The following ELP2 variants were observed in gnomAD, a reference collection of about 807,000 sequenced individuals.
ELP2 encodes the protein elongator acetyltransferase complex subunit 2.
ELP2 carries 90 observed loss-of-function variants against 119.2 expected under a neutral mutation model. The observed-to-expected ratio is 0.75, with a 90% confidence interval of 0.64 to 0.90. The LOEUF (loss-of-function observed/expected upper bound fraction) is 0.90, where lower values mean the gene tolerates loss of function less well. Ranked by LOEUF, ELP2 falls within the 40% of genes least tolerant of loss-of-function variation. ELP2 has a pLI of 0.00. For missense variants in ELP2, 921 were observed against 967.8 expected (o/e 0.95, Z 0.64); for synonymous variants, 339 against 331.0 (o/e 1.02, Z -0.26).
chr18:36,154,734 C>G, intron 11 of ELP2, 116 bp from the exon 12 acceptor site: 1 of 1,109,680 alleles, frequency 9.0e-7, no homozygotes, highest in Non-Finnish European at 1.4e-6. Flanking sequence ...ATCTTGTATA[C>G]TTAGCTTTTC....
At chr18:36,140,658 AT>A (rs2089988926) in intron 5 of ELP2, among the ~76,000 whole-genome samples, 1 of 152,188 alleles carries the variant, frequency 6.6e-6, no homozygotes, top group Non-Finnish European at 1.5e-5. Flanking sequence ...CCAGCCTTTT[AT>A]TTTGTTTTAA....
At position 36,159,993 on chromosome 18, in the gene ELP2, T is replaced by C; in HGVS notation, c.1666T>C (p.Leu556=). ...PTEDHLLQNT[L]WPEVQKLYGH... ...TGAGGATCATCTTCTGCAGAATACT[T>C]TGTGGCCTGAAGTTCAAAAACTGTA... The change falls in exon 16 of 22, where the codon TTG becomes CTG. Residue 556 remains leucine (L), a synonymous_variant. Coordinates refer to ENST00000358232, the MANE Select transcript of ELP2 (RefSeq NM_018255.4). 1 of 1,614,090 alleles carries C rather than the reference T, an allele frequency of 6.2e-7. No homozygotes were observed.
chr18:36,169,428 TCAGG>T (rs2091010460), intron 19 of ELP2, among the ~76,000 whole-genome samples: 1 of 146,674 alleles, frequency 6.8e-6, no homozygotes, highest in Non-Finnish European at 1.5e-5. Context: ...CTCTTGTTGC[TCAGG>T]CTGGAGTGCA....
In ELP2 at chr18:36,144,927, C is replaced by A; in HGVS notation, c.797-12C>A. The A allele has an allele frequency of 1.2e-6, 2 of 1,601,276 alleles. No homozygotes were observed. The highest frequency in any genetic ancestry group is 1.1e-5 in the South Asian group (1 of 90,850). ...CTTTGAGGAAATAATACCTTCATTG[C>A]TTTTGTTATAGGTGTTAAAATAGCA... On this transcript the variant is annotated splice_polypyrimidine_tract_variant and intron_variant, in intron 8 of 21. Transcript: ENST00000358232.
Position 36,148,698 on chromosome 18 carries a change from A to G in ELP2, c.1125+2317A>G, listed in dbSNP as rs150212513. On this transcript the variant is annotated intron_variant, in intron 11 of 21. Transcript: ENST00000358232. ...ACATAGGGAGACCCTGTCTGTACCA[A>G]TAATTTTAAAAATTAGCCATGGGCT... Among the ~76,000 whole-genome samples, 919 of 152,254 alleles carry G rather than the reference A, an allele frequency of 6.0e-3. 10 individuals are homozygous for G. The highest frequency in any genetic ancestry group is 0.02 in the African/African-American group (848 of 41,554).
At chr18:36,163,718 C>T (rs1348772187) in intron 17 of ELP2, among the ~76,000 whole-genome samples, 1 of 152,116 alleles carries the variant, frequency 6.6e-6, no homozygotes, top group East Asian at 1.9e-4. Flanking sequence ...TCCCCTTCAT[C>T]ACTGTGCTTT....
intron 17 of ELP2, among the ~76,000 whole-genome samples, chr18:36,162,008 A>G (rs1348661159): frequency 1.3e-5 from 2 of 152,250 alleles, no homozygotes; most frequent in East Asian, 3.9e-4. Flanking sequence ...AAGTTGATTC[A>G]CAACAATATG....
intron 14 of ELP2, 28 bp from the exon 15 acceptor site, chr18:36,159,707 A>G (rs749128048): frequency 1.3e-6 from 2 of 1,513,766 alleles, no homozygotes; most frequent in African/African-American, 1.4e-5. Context: ...AATAGTGACT[A>G]TATTCTTGAT....
At chr18:36,149,290 A>G (rs1363945091) in intron 11 of ELP2, among the ~76,000 whole-genome samples, 1 of 152,202 alleles carries the variant, frequency 6.6e-6, no homozygotes, top group East Asian at 1.9e-4. Flanking sequence ...TCAGTCTACT[A>G]CGTTCAGACA....
chr18:36,156,645 GCT>G lies in ELP2; in HGVS notation c.1458_1459del (p.Cys487Ter). On this transcript the variant is annotated frameshift_variant, in exon 13 of 22. Transcript: ENST00000358232. LOFTEE classifies it high-confidence loss of function. ...TTACAGGACAATCACTGAATCATGT[GCT>G]CTGTAATGTGAGTATTTCTCTAAAT... is the stretch of plus-strand genomic sequence containing the variant. ...AITGQSLNHV[L>X]CNQDSDLPEG... 6.2e-7 allele frequency: 1 copy of G among 1,613,700 alleles called. No homozygotes were observed. Among genetic ancestry groups the G allele is most frequent in the Non-Finnish European group, 8.5e-7 (1 of 1,179,702 alleles).
chr18:36,157,184 C>T (rs900772532), intron 13 of ELP2, among the ~76,000 whole-genome samples: 2 of 151,976 alleles, frequency 1.3e-5, no homozygotes, highest in African/African-American at 4.8e-5. Context: ...TATGTTTATA[C>T]GCCCTTCTAA....
intron 1 of ELP2, among the ~76,000 whole-genome samples, chr18:36,131,250 G>C (rs1035918050): frequency 1.3e-5 from 2 of 152,178 alleles, no homozygotes; most frequent in South Asian, 2.1e-4. Flanking sequence ...ACCCCATCTT[G>C]AGCTTGCTTG....
Position 36,180,191 on chromosome 18 carries a change from C to A in ELP2, c.*5550C>A, listed in dbSNP as rs965992460. ...GCCTCCTGCCATGGTCTTTGCGTTC[C>A]AGCCAGCAAAGAGGAAGAAGGCATG... On this transcript the variant is annotated 3_prime_UTR_variant, in exon 22 of 22. Transcript: ENST00000358232. 6.6e-6 allele frequency: 1 copy of A among 152,150 alleles called. No individual in the cohort carries two copies. Among genetic ancestry groups the A allele is most frequent in the African/African-American group, 2.4e-5 (1 of 41,416 alleles). The allele number at this position is 152,150 out of a possible 1,614,324, so 9.4% of individuals were successfully genotyped here.
intron 5 of ELP2, chr18:36,139,568 T>A (rs1413852357): frequency 6.5e-7 from 1 of 1,535,448 alleles, no homozygotes; most frequent in South Asian, 1.2e-5. Flanking sequence ...GCACACATTC[T>A]GGCATCATAA....
At chr18:36,164,740 A>T in intron 18 of ELP2, 73 bp downstream of exon 18, 1 of 1,428,440 alleles carries the variant, frequency 7.0e-7, no homozygotes, top group South Asian at 1.2e-5. Context: ...AAGCAGCTTT[A>T]GTTAAGAGAA....
In ELP2 at chr18:36,130,054, G is replaced by GTGC; in HGVS notation, c.123_125dup (p.Leu42dup). The stretch of plus-strand genomic sequence containing the variant: ...GGCCTTTGGCACGTCCTGCTCCGTG[G>GTGC]TGCTCTATGACCCCCTGGTAAGAGA... On this transcript the variant is annotated inframe_insertion, in exon 1 of 22. Coordinates refer to ENST00000358232, the MANE Select transcript of ELP2 (RefSeq NM_018255.4). 6.2e-7 allele frequency: 1 copy of GTGC among 1,614,210 alleles called. No individual in the cohort carries two copies. The highest frequency in any genetic ancestry group is 8.5e-7 in the Non-Finnish European group (1 of 1,180,040).
chr18:36,139,171 A>G (rs1229199242), intron 5 of ELP2, among the ~76,000 whole-genome samples: 4 of 152,238 alleles, frequency 2.6e-5, no homozygotes, highest in African/African-American at 9.6e-5. Context: ...TGAGGAAAGA[A>G]TCTAATTCTT....
At chr18:36,169,981 T>C (rs1346484192) in intron 19 of ELP2, 82 bp from the exon 20 acceptor site, 2 of 1,567,544 alleles carry the variant, frequency 1.3e-6, no homozygotes, top group African/African-American at 2.7e-5. Context: ...TACTTTGTTT[T>C]ATCTTTGCCG....
chr18:36,174,519 T>C lies in ELP2; in HGVS notation c.2359T>C (p.Trp787Arg). Residue 787 changes from tryptophan to arginine, a missense_variant, in exon 22 of 22, where the codon TGG becomes CGG. Trp to Arg is a moderately radical substitution (Grantham distance 101, BLOSUM62 -3). Coordinates refer to ENST00000358232, the MANE Select transcript of ELP2 (RefSeq NM_018255.4). Reference protein sequence around the residue: ...SHTLAIRKLCWKNCSGKTEQK... With the variant: ...SHTLAIRKLCRKNCSGKTEQK... Reference sequence around the variant, plus strand: ...TACACTGGCTATCAGAAAATTATGCTGGAAGAATTGCAGTGGAAAAACTGA... The same window carrying C: ...TACACTGGCTATCAGAAAATTATGCCGGAAGAATTGCAGTGGAAAAACTGA... 6.2e-7 allele frequency: 1 copy of C among 1,614,144 alleles called. No homozygotes were observed. Among genetic ancestry groups the C allele is most frequent in the Non-Finnish European group, 8.5e-7 (1 of 1,180,002 alleles).
Sources: gnomAD v4.1 joint callset for allele counts (sites outside exome capture counted in the v4.1 genomes callset) on GRCh38, gnomAD v4.1.1 for gene constraint, MANE v1.5 for transcripts, NCBI Gene and HGNC (gene_info 2026-07-23, HGNC 2026-07-21) for gene names.